Variants in PTPRR observed in about 807,000 individuals in gnomAD.
The protein encoded by PTPRR is receptor-type tyrosine-protein phosphatase R.
Under a neutral mutation model 77.2 loss-of-function variants are expected in PTPRR, and 38 were observed. The ratio of observed to expected loss-of-function variants is 0.49; its 90% CI spans 0.38 to 0.65. The LOEUF (loss-of-function observed/expected upper bound fraction) is 0.65, where lower values mean the gene tolerates loss of function less well. Ranked by LOEUF, PTPRR falls within the 30% of genes least tolerant of loss-of-function variation. The pLI is 0.00. For synonymous variants in PTPRR, 299 were observed against 283.1 expected, an observed-to-expected ratio of 1.06 and a Z score of -0.57; for missense variants, 744 against 799.2, an observed-to-expected ratio of 0.93 and a Z score of 0.83.
intron 6 of PTPRR, among the ~76,000 whole-genome samples, chr12:70,702,304 T>C (rs1194311462): frequency 6.6e-6 from 1 of 152,036 alleles, no homozygotes; most frequent in African/African-American, 2.4e-5. Context: ...TGTGAGAGAC[T>C]GAGGATTGAA....
At chr12:70,768,281 G>A (rs1890878377) in intron 2 of PTPRR, among the ~76,000 whole-genome samples, 1 of 150,728 alleles carries the variant, frequency 6.6e-6, no homozygotes, top group Non-Finnish European at 1.5e-5. Context: ...GACTAATAAA[G>A]CAAGAGAAGA....
chr12:70,653,121 G>C (rs1886455815), intron 13 of PTPRR, among the ~76,000 whole-genome samples: 1 of 152,118 alleles, frequency 6.6e-6, no homozygotes, highest in South Asian at 2.1e-4. Context: ...GGTATGAACT[G>C]GAGTCCCCGG....
At chr12:70,719,335 C>A (rs775745905) in intron 6 of PTPRR, among the ~76,000 whole-genome samples, 8 of 152,004 alleles carry the variant, frequency 5.3e-5, no homozygotes, top group Non-Finnish European at 1.2e-4. Flanking sequence ...TACGGGAACC[C>A]AAAGTTCACG....
intron 2 of PTPRR, among the ~76,000 whole-genome samples, chr12:70,800,318 A>T (rs1323119380): frequency 1.3e-5 from 2 of 149,556 alleles, no homozygotes; most frequent in Non-Finnish European, 3.0e-5. Context: ...GAAGTCCATG[A>T]GTACTTACAA....
At chr12:70,840,900 C>G (rs930964456) in intron 2 of PTPRR, among the ~76,000 whole-genome samples, 8 of 151,722 alleles carry the variant, frequency 5.3e-5, no homozygotes, top group Admixed American at 2.0e-4. Flanking sequence ...ACTATGAAGT[C>G]ACCGTGCCAT....
chr12:70,639,585 G>C lies in PTPRR; in HGVS notation c.1881-308C>G, dbSNP rs570972775. On this transcript the variant is annotated intron_variant, in intron 13 of 13. Transcript: ENST00000283228. ...AGTACTTGGATTTGGCATCAGCCAA[G>C]GTGAGTTCAAATCCCTCCTCTGCCA... 21 of 968,132 alleles carry C rather than the reference G, an allele frequency of 2.2e-5. 1 individual carries two copies. In the South Asian group the frequency reaches 5.6e-4, roughly 26 times the overall value. 60.0% of individuals were successfully genotyped at this position (968,132 alleles called of 1,614,324 possible). A position where few individuals can be genotyped will look rare whatever the true frequency, so the allele number is the denominator to read the frequency against.
At position 70,746,066 on chromosome 12, in the gene PTPRR, T is replaced by C. The variant is rs1434261651; in HGVS notation, c.759A>G (p.Glu253=). 6.2e-7 allele frequency: 1 copy of C among 1,612,462 alleles called. No homozygotes were observed. Among genetic ancestry groups the C allele is most frequent in the Admixed American group, 1.7e-5 (1 of 59,950 alleles). Residue 253 remains glutamate (E), a synonymous_variant, in exon 6 of 14, where the codon GAA becomes GAG. Coordinates refer to ENST00000283228, the MANE Select transcript of PTPRR (RefSeq NM_002849.4). ...CTTGTCTTAAGGAAAGCTGAAATCT[T>C]TCTTTTAATCTGTAAAGAATCTATA... ...TCLMILYRLK[E]RFQLSLRQDK...
chr12:70,678,714 C>T (rs924982358), intron 10 of PTPRR, among the ~76,000 whole-genome samples: 2 of 152,088 alleles, frequency 1.3e-5, no homozygotes, highest in Admixed American at 1.3e-4. Context: ...CTCTCTGTCT[C>T]CCAACTGCCC....
chr12:70,683,547 A>G lies in PTPRR; in HGVS notation c.1497+580T>C, dbSNP rs114830321. 3.5e-3 allele frequency among the ~76,000 whole-genome samples: 529 copies of G among 152,122 alleles called. 3 individuals carry two copies. Among genetic ancestry groups the G allele is most frequent in the African/African-American group, 0.012 (509 of 41,524 alleles). On this transcript the variant is annotated intron_variant, in intron 10 of 13. Coordinates refer to ENST00000283228, the MANE Select transcript of PTPRR (RefSeq NM_002849.4). Reference sequence around the variant, plus strand: ...GGCTCACCTTGCCCACCCTCTTTGCATTATTAAATGTAATCTGCAATTCCC... The same window carrying G: ...GGCTCACCTTGCCCACCCTCTTTGCGTTATTAAATGTAATCTGCAATTCCC...
Position 70,638,977 on chromosome 12 carries a change from A to G in PTPRR, c.*207T>C. Reference sequence around the variant, plus strand: ...CCTCCATCATCAAAAAACCTTCAGAATAATTTGGGGGATGCTTACAAATGC... The same window carrying G: ...CCTCCATCATCAAAAAACCTTCAGAGTAATTTGGGGGATGCTTACAAATGC... On this transcript the variant is annotated 3_prime_UTR_variant, in exon 14 of 14. Coordinates refer to ENST00000283228, the MANE Select transcript of PTPRR (RefSeq NM_002849.4). The G allele has an allele frequency of 1.8e-6, 1 of 562,054 alleles. No individual in the cohort carries two copies. The highest frequency in any genetic ancestry group is 2.2e-5 in the South Asian group (1 of 45,512). The allele number at this position is 562,054 out of a possible 1,614,324, so 34.8% of individuals were successfully genotyped here.
At chr12:70,754,325 C>T (rs372393242) in intron 4 of PTPRR, 24 bp from the exon 5 acceptor site, 25 of 1,611,672 alleles carry the variant, frequency 1.6e-5, no homozygotes, top group African/African-American at 1.3e-4. Context: ...ACAGAAAGTC[C>T]GACGTTAAAT....
chr12:70,880,216 C>T (rs894540134), intron 2 of PTPRR, among the ~76,000 whole-genome samples: 10 of 152,086 alleles, frequency 6.6e-5, no homozygotes, highest in African/African-American at 2.4e-4. Flanking sequence ...TTATGTCATT[C>T]AATTCCCATA....
At chr12:70,671,711 C>G (rs1384869259) in intron 10 of PTPRR, among the ~76,000 whole-genome samples, 1 of 152,206 alleles carries the variant, frequency 6.6e-6, no homozygotes, top group East Asian at 1.9e-4. Context: ...ACGCTTTATT[C>G]CCTTGCAGAT....
At chr12:70,728,325 T>C (rs1889522124) in intron 6 of PTPRR, among the ~76,000 whole-genome samples, 1 of 127,792 alleles carries the variant, frequency 7.8e-6, no homozygotes, top group Non-Finnish European at 1.6e-5. Flanking sequence ...TCTCTAGATA[T>C]ATATATATGG....
chr12:70,790,821 G>A (rs6581968), intron 2 of PTPRR, among the ~76,000 whole-genome samples: 95,807 of 152,030 alleles, frequency 0.63, 34,091 homozygotes, highest in South Asian at 0.83. Context: ...CAGCCTGGGT[G>A]ACAGAAGGAG....
At chr12:70,871,933 C>T (rs1274558621) in intron 2 of PTPRR, among the ~76,000 whole-genome samples, 2 of 152,192 alleles carry the variant, frequency 1.3e-5, no homozygotes, top group African/African-American at 4.8e-5. Flanking sequence ...TGAGTGAAGA[C>T]AGCTAGAAGA....
intron 1 of PTPRR, 27 bp downstream of exon 1, chr12:70,920,306 C>G (rs1476709599): frequency 1.2e-6 from 2 of 1,608,000 alleles, no homozygotes; most frequent in East Asian, 2.2e-5. Context: ...ATGCACAGCT[C>G]CGGCTCTAAG....
chr12:70,864,978 A>AT (rs368582849), intron 2 of PTPRR, among the ~76,000 whole-genome samples: 6,321 of 151,582 alleles, frequency 0.042, 444 homozygotes, highest in African/African-American at 0.14. Context: ...CACCTGGCTA[A>AT]TTTTTTTTGT....
At chr12:70,689,673 T>C (rs1887990271) in intron 8 of PTPRR, among the ~76,000 whole-genome samples, 1 of 152,148 alleles carries the variant, frequency 6.6e-6, no homozygotes, top group Admixed American at 6.5e-5. Context: ...TTGCACACTC[T>C]CCACCAAGAA....
Sources: allele counts gnomAD v4.1 joint callset (sites outside exome capture counted in the v4.1 genomes callset), GRCh38; gene constraint gnomAD v4.1.1; transcripts MANE v1.5; gene names NCBI Gene and HGNC (gene_info 2026-07-23, HGNC 2026-07-21).